B3GALT1: variants seen among roughly 807,000 people sequenced by gnomAD.
The protein encoded by B3GALT1 is UDP-Gal:betaGlcNAc beta 1,3-galactosyltransferase, polypeptide 1.
A neutral mutation model predicts 23.2 loss-of-function variants in B3GALT1; 10 were observed. The ratio of observed to expected loss-of-function variants is 0.43; its 90% CI spans 0.27 to 0.73. The LOEUF is 0.73. Among genes scored for constraint, B3GALT1 ranks in the 30% least tolerant of loss-of-function variants. The probability of loss-of-function intolerance (pLI) is 0.21; values close to 1 mark genes in which losing one functional copy is unlikely to be tolerated. For missense variants in B3GALT1, 299 were observed against 405.4 expected (o/e 0.74, Z 2.25); for synonymous variants, 156 against 141.5 (o/e 1.10, Z -0.73).
intron 2 of B3GALT1, among the ~76,000 whole-genome samples, chr2:167,516,930 A>G (rs958626487): frequency 1.5e-5 from 2 of 136,990 alleles, no homozygotes; most frequent in African/African-American, 3.0e-5. Context: ...CTCATATGAC[A>G]TATAAGTACT....
At chr2:167,410,341 A>C (rs555416010) in intron 1 of B3GALT1, among the ~76,000 whole-genome samples, 2 of 152,208 alleles carry the variant, frequency 1.3e-5, no homozygotes, top group East Asian at 3.9e-4. Context: ...AATACAAAAA[A>C]TGAGACAGGC....
chr2:167,645,891 G>A (rs1158252961), intron 2 of B3GALT1, among the ~76,000 whole-genome samples: 2 of 151,960 alleles, frequency 1.3e-5, no homozygotes, highest in African/African-American at 4.8e-5. Flanking sequence ...GTGTACTTGG[G>A]GTGGGAGTGG....
At chr2:167,787,095 A>C (rs185235102) in intron 3 of B3GALT1, among the ~76,000 whole-genome samples, 1 of 152,356 alleles carries the variant, frequency 6.6e-6, no homozygotes, top group East Asian at 1.9e-4. Context: ...GAAGGCCATC[A>C]GTAGCCAGGA....
intron 3 of B3GALT1, among the ~76,000 whole-genome samples, chr2:167,771,683 T>G (rs1178966802): frequency 6.6e-6 from 1 of 152,246 alleles, no homozygotes; most frequent in East Asian, 1.9e-4. Context: ...GAATGTATTG[T>G]TTCATGTATA....
intron 2 of B3GALT1, among the ~76,000 whole-genome samples, chr2:167,628,794 AC>A (rs1229175621): frequency 1.3e-5 from 2 of 151,686 alleles, no homozygotes; most frequent in Non-Finnish European, 3.0e-5. Flanking sequence ...CATTGTATTA[AC>A]TGTAAGCAGT....
At chr2:167,637,830 CTT>C (rs201770741) in intron 2 of B3GALT1, among the ~76,000 whole-genome samples, 11 of 145,980 alleles carry the variant, frequency 7.5e-5, no homozygotes, top group East Asian at 2.0e-4. Flanking sequence ...TGATTCCACT[CTT>C]TTTTTTTTTT....
intron 2 of B3GALT1, among the ~76,000 whole-genome samples, chr2:167,507,396 A>G (rs1208258517): frequency 6.6e-6 from 1 of 150,854 alleles, no homozygotes; most frequent in Non-Finnish European, 1.5e-5. Flanking sequence ...AATCCCAGCT[A>G]CTCAGGAGCT....
At chr2:167,667,160 T>G (rs1358598889) in intron 3 of B3GALT1, among the ~76,000 whole-genome samples, 1 of 152,168 alleles carries the variant, frequency 6.6e-6, no homozygotes, top group Non-Finnish European at 1.5e-5. Flanking sequence ...TGACAAAATC[T>G]CTCAGCATTT....
intron 2 of B3GALT1, among the ~76,000 whole-genome samples, chr2:167,629,406 C>A (rs1437191650): frequency 6.6e-6 from 1 of 151,642 alleles, no homozygotes; most frequent in Non-Finnish European, 1.5e-5. Context: ...ATTTATTCAT[C>A]ACATAGATGA....
chr2:167,670,221 C>T (rs946919648), intron 3 of B3GALT1, among the ~76,000 whole-genome samples: 2 of 152,182 alleles, frequency 1.3e-5, no homozygotes, highest in Non-Finnish European at 2.9e-5. Flanking sequence ...TGGAACACTT[C>T]AGAGCACTAC....
intron 3 of B3GALT1, among the ~76,000 whole-genome samples, chr2:167,788,303 T>C (rs1026561964): frequency 6.6e-6 from 1 of 152,014 alleles, no homozygotes; most frequent in African/African-American, 2.4e-5. Flanking sequence ...TTCGAGATGA[T>C]TCAAGCACAT....
intron 1 of B3GALT1, among the ~76,000 whole-genome samples, chr2:167,395,926 C>T (rs1265116405): frequency 6.6e-6 from 1 of 152,072 alleles, no homozygotes; most frequent in East Asian, 1.9e-4. Flanking sequence ...ATTGTTTTGA[C>T]TTTTATCCAA....
chr2:167,813,005 C>CCG (rs1688923183), intron 3 of B3GALT1, among the ~76,000 whole-genome samples: 2 of 116,198 alleles, frequency 1.7e-5, no homozygotes, highest in South Asian at 5.1e-4. Context: ...CACCCCCCCC[C>CCG]ACACAGTTCA....
intron 1 of B3GALT1, among the ~76,000 whole-genome samples, chr2:167,455,980 G>T (rs1367462397): frequency 6.6e-6 from 1 of 152,216 alleles, no homozygotes; most frequent in Non-Finnish European, 1.5e-5. Context: ...GTTGAGGGAA[G>T]TGACCTTCAT....
chr2:167,867,450 A>G (rs956279872), intron 4 of B3GALT1, among the ~76,000 whole-genome samples: 8 of 152,134 alleles, frequency 5.3e-5, no homozygotes, highest in African/African-American at 1.9e-4. Context: ...GCTTGAAGCC[A>G]TTCTAATATT....
chr2:167,666,803 G>A (rs1203220623), intron 3 of B3GALT1, among the ~76,000 whole-genome samples: 2 of 152,014 alleles, frequency 1.3e-5, no homozygotes, highest in African/African-American at 4.8e-5. Flanking sequence ...CATTTGCTTG[G>A]TAGATCTTCC....
At chr2:167,703,809 A>G (rs149726659) in intron 3 of B3GALT1, among the ~76,000 whole-genome samples, 108 of 152,194 alleles carry the variant, frequency 7.1e-4, no homozygotes, top group African/African-American at 2.3e-3. Context: ...ACAAAATAAA[A>G]TCTCCTACTG....
chr2:167,572,828 G>A (rs1684319752), intron 2 of B3GALT1, among the ~76,000 whole-genome samples: 1 of 151,742 alleles, frequency 6.6e-6, no homozygotes, highest in Admixed American at 6.6e-5. Context: ...CTTTTGAAGG[G>A]ACTAGTAGGT....
rs114985840 is a variant in B3GALT1, at chr2:167,776,512, C to T, written c.-351-42160C>T. Among the ~76,000 whole-genome samples, 877 of 152,258 alleles carry T rather than the reference C, an allele frequency of 5.8e-3. 8 individuals carry two copies. The highest frequency in any genetic ancestry group is 0.02 in the African/African-American group (826 of 41,528). ...AGAGAACACGAGTGACTGAGCTAGGCGGAGTGCCGACCCATGGCAGGCACT... is the reference window on the plus strand; with the variant it reads ...AGAGAACACGAGTGACTGAGCTAGGTGGAGTGCCGACCCATGGCAGGCACT... On this transcript the variant is annotated intron_variant, in intron 3 of 4. Coordinates refer to ENST00000392690, the MANE Select transcript of B3GALT1 (RefSeq NM_020981.4).
Sources: allele counts gnomAD v4.1 joint callset (sites outside exome capture counted in the v4.1 genomes callset), GRCh38; gene constraint gnomAD v4.1.1; transcripts MANE v1.5; gene names NCBI Gene and HGNC (gene_info 2026-07-23, HGNC 2026-07-21).